KNDC1: variants seen among roughly 807,000 people sequenced by gnomAD.
The protein encoded by KNDC1 is kinase non-catalytic C-lobe domain-containing protein 1.
In KNDC1, 106 loss-of-function variants were observed where a neutral mutation model predicts 172.8. The ratio of observed to expected loss-of-function variants is 0.61; its 90% CI spans 0.52 to 0.72. KNDC1 has a LOEUF of 0.72. KNDC1 is among the 30% of genes least tolerant of loss of function. The pLI, the probability that KNDC1 is intolerant of heterozygous loss-of-function variation, is 0.00. For missense variants in KNDC1, 2,325 were observed against 2,394.5 expected (o/e 0.97, Z 0.61); for synonymous variants, 1,083 against 1,062.2 (o/e 1.02, Z -0.38).
chr10:133,215,965 C>T (rs1196551544), intron 26 of KNDC1, among the ~76,000 whole-genome samples: 1 of 152,228 alleles, frequency 6.6e-6, no homozygotes, highest in Non-Finnish European at 1.5e-5. Context: ...AGCGGACGGA[C>T]CTCGCCGGAG....
At chr10:133,222,468 CCCATCCAGGCATGCTCTTCCCGGT>C (rs1564903682) in intron 29 of KNDC1, among the ~76,000 whole-genome samples, 7 of 74,726 alleles carry the variant, frequency 9.4e-5, no homozygotes, top group South Asian at 5.9e-4. Context: ...TGTGTGAGAG[CCCATCCAGGCATGCTCTTCCCGGT>C]GTGTGTGTGT....
At chr10:133,197,354 G>C (rs1230495864) in intron 11 of KNDC1, among the ~76,000 whole-genome samples, 1 of 152,196 alleles carries the variant, frequency 6.6e-6, no homozygotes, top group Admixed American at 6.5e-5. Flanking sequence ...GATCAGGGCA[G>C]GGTCCCAAGG....
At chr10:133,161,373 C>T (rs891746961) in intron 1 of KNDC1, among the ~76,000 whole-genome samples, 6 of 152,308 alleles carry the variant, frequency 3.9e-5, no homozygotes, top group African/African-American at 1.4e-4. Flanking sequence ...CGGGTGACAG[C>T]GTCGTCACCT....
chr10:133,216,884 C>T (rs940469001), intron 26 of KNDC1, among the ~76,000 whole-genome samples: 2 of 152,234 alleles, frequency 1.3e-5, no homozygotes, highest in African/African-American at 2.4e-5. Context: ...TGCGGCAGCA[C>T]GATGAACCTC....
At chr10:133,187,365 C>G (rs1477722813) in intron 6 of KNDC1, among the ~76,000 whole-genome samples, 1 of 152,254 alleles carries the variant, frequency 6.6e-6, no homozygotes, top group Non-Finnish European at 1.5e-5. Context: ...GGGCCAAGGC[C>G]TGGCCAAGTG....
intron 1 of KNDC1, among the ~76,000 whole-genome samples, chr10:133,166,455 GTGCA>G (rs1445304413): frequency 9.8e-5 from 11 of 112,556 alleles, no homozygotes; most frequent in Non-Finnish European, 2.3e-4. Flanking sequence ...GTGTGCGGGT[GTGCA>G]TGTCTGTGCG....
At chr10:133,173,434 G>T (rs1240170687) in intron 3 of KNDC1, among the ~76,000 whole-genome samples, 8 of 152,106 alleles carry the variant, frequency 5.3e-5, no homozygotes, top group Admixed American at 5.2e-4. Context: ...TCAACCTGTA[G>T]GTTTTGTTGC....
intron 17 of KNDC1, among the ~76,000 whole-genome samples, chr10:133,205,562 C>T (rs1054096700): frequency 2.6e-5 from 4 of 152,328 alleles, no homozygotes; most frequent in South Asian, 2.1e-4. Context: ...ACGCTGCGGC[C>T]GCCGCCCAGC....
chr10:133,162,403 C>T (rs1292663806), intron 1 of KNDC1, among the ~76,000 whole-genome samples: 1 of 152,236 alleles, frequency 6.6e-6, no homozygotes, highest in Non-Finnish European at 1.5e-5. Context: ...AGGGCAGCTG[C>T]CGGGAAAGCA....
At chr10:133,211,887 C>G in intron 23 of KNDC1, 29 bp downstream of exon 23, 1 of 1,583,760 alleles carries the variant, frequency 6.3e-7, no homozygotes. Context: ...GGAGGTCCTC[C>G]CTGGACAGGC....
At position 133,211,830 on chromosome 10, in the gene KNDC1, G is replaced by A; in HGVS notation, c.4208G>A (p.Arg1403Lys). ...DARPFNALCKRLSEDGISRKS... is the reference protein window; with the variant it reads ...DARPFNALCKKLSEDGISRKS... Reference sequence around the variant, plus strand: ...AGACCCTTCAACGCCCTCTGTAAGAGGCTCTCAGAGGACGGCATCTCCAGG... The same window carrying A: ...AGACCCTTCAACGCCCTCTGTAAGAAGCTCTCAGAGGACGGCATCTCCAGG... Residue 1403 changes from arginine (R) to lysine (K), a missense_variant, in exon 23 of 30, where the codon AGG becomes AAG. Arg to Lys is a conservative substitution (Grantham distance 26). Coordinates refer to ENST00000304613, the MANE Select transcript of KNDC1 (RefSeq NM_152643.8). 1 of 1,609,120 alleles carries A rather than the reference G, an allele frequency of 6.2e-7. No individual in the cohort carries two copies.
Position 133,202,002 on chromosome 10 carries a change from C to T in KNDC1, c.3387+104C>T, listed in dbSNP as rs960362490. ...AGATGGCACCGTGTGCCCAGAGCCC[C>T]CAACAGGGTGACACTGGTCCTGGTG... On this transcript the variant is annotated intron_variant, in intron 17 of 29. Coordinates refer to ENST00000304613, the MANE Select transcript of KNDC1 (RefSeq NM_152643.8). 4.6e-6 allele frequency: 6 copies of T among 1,304,104 alleles called. No homozygotes were observed. The Admixed American group carries it at 1.2e-4, about 26-fold the overall frequency. The allele number at this position is 1,304,104 out of a possible 1,614,324, so 80.8% of individuals were successfully genotyped here. A position where few individuals can be genotyped will look rare whatever the true frequency, so the allele number is the denominator to read the frequency against.
At position 133,225,315 on chromosome 10, in the gene KNDC1, T is replaced by G; in HGVS notation, c.*425T>G. ...AGAGTAGCTCCTCCCTGAGCAGGTT[T>G]CTGAGCCAGCCTGGGTTGGCTGAGC... On this transcript the variant is annotated 3_prime_UTR_variant, in exon 30 of 30. Coordinates refer to ENST00000304613, the MANE Select transcript of KNDC1 (RefSeq NM_152643.8). The G allele has an allele frequency of 9.9e-6, 2 of 201,870 alleles. No homozygotes were observed. Among genetic ancestry groups the G allele is most frequent in the Non-Finnish European group, 2.0e-5 (2 of 98,858 alleles). 12.5% of individuals were successfully genotyped at this position (201,870 alleles called of 1,614,324 possible). A position where few individuals can be genotyped will look rare whatever the true frequency, so the allele number is the denominator to read the frequency against.
chr10:133,212,655 G>A, intron 23 of KNDC1, 61 bp from the exon 24 acceptor site: 2 of 1,474,124 alleles, frequency 1.4e-6, no homozygotes, highest in Non-Finnish European at 1.9e-6. Context: ...CTGCCTCCCT[G>A]GACCCCTGAC....
At position 133,198,392 on chromosome 10, in the gene KNDC1, C is replaced by T. The variant is rs537290284; in HGVS notation, c.1962C>T (p.Pro654=). The change falls in exon 13 of 30, where the codon CCC becomes CCT. Residue 654 remains proline, a synonymous_variant. Transcript: ENST00000304613. ...TTGTGGCTGTGCCAGGGCCCGTGCC[C>T]GGCCAGCACCCCTGCGGTGAAGAAG... is the stretch of plus-strand genomic sequence containing the variant. ...TGLVAVPGPV[P]GQHPCGEEAT... The T allele has an allele frequency of 7.9e-5, 127 of 1,598,430 alleles. No homozygotes were observed. In the East Asian group the frequency reaches 1.2e-3, roughly 15 times the overall value.
intron 2 of KNDC1, 118 bp downstream of exon 2, chr10:133,167,697 T>A: frequency 8.6e-7 from 1 of 1,156,296 alleles, no homozygotes; most frequent in Non-Finnish European, 1.2e-6. Flanking sequence ...CGGACCCGGG[T>A]TTCCTGTGGA....
rs564950879 is a variant in KNDC1, at chr10:133,213,325, G to A, written c.4444-320G>A. Among the ~76,000 whole-genome samples the A allele has an allele frequency of 4.2e-3, 644 of 152,322 alleles. 2 individuals carry two copies. Among genetic ancestry groups the A allele is most frequent in the Middle Eastern group, 6.8e-3 (2 of 294 alleles). The stretch of plus-strand genomic sequence containing the variant: ...AGGGCCCTGCCCAACTTCCTCTGCC[G>A]CCACCACAGCCAGCCCTCAGGTGGC... On this transcript the variant is annotated intron_variant, in intron 24 of 29. Coordinates refer to ENST00000304613, the MANE Select transcript of KNDC1 (RefSeq NM_152643.8).
intron 12 of KNDC1, 92 bp downstream of exon 12, chr10:133,197,860 A>C (rs1246697014): frequency 9.6e-7 from 1 of 1,044,316 alleles, no homozygotes; most frequent in Non-Finnish European, 1.5e-6. Flanking sequence ...ACAGCCGGGC[A>C]CCTCTCGGAA....
intron 23 of KNDC1, 82 bp downstream of exon 23, chr10:133,211,940 C>CATGCACACACATACACACAAGTGCAA (rs1845375912): frequency 1.5e-6 from 2 of 1,342,956 alleles, no homozygotes; most frequent in African/African-American, 2.9e-5. Flanking sequence ...ACAACTGGTG[C>CATGCACACACATACACACAAGTGCAA]ATGCACACAC....
Sources: gnomAD v4.1 joint callset for allele counts (sites outside exome capture counted in the v4.1 genomes callset) on GRCh38, gnomAD v4.1.1 for gene constraint, MANE v1.5 for transcripts, NCBI Gene and HGNC (gene_info 2026-07-23, HGNC 2026-07-21) for gene names.